The following NBEA variants were observed in gnomAD, a reference collection of about 807,000 sequenced individuals.
NBEA encodes lysosomal-trafficking regulator 2.
NBEA carries 44 observed loss-of-function variants against 343.4 expected under a neutral mutation model. The ratio of observed to expected loss-of-function variants is 0.13; its 90% CI spans 0.10 to 0.16. The LOEUF is 0.16. Ranked by LOEUF, NBEA falls within the 10% of genes least tolerant of loss-of-function variation. The probability of loss-of-function intolerance (pLI) is 1.00; values close to 1 mark genes in which losing one functional copy is unlikely to be tolerated. For synonymous variants in NBEA, 1,175 were observed against 1,238.7 expected (o/e 0.95, Z 1.08); for missense variants, 2,555 against 3,631.3 (o/e 0.70, Z 7.62).
chr13:35,668,056 A>G (rs962872485), intron 57 of NBEA, among the ~76,000 whole-genome samples: 1 of 152,214 alleles, frequency 6.6e-6, no homozygotes, highest in Non-Finnish European at 1.5e-5. Context: ...TCAAGATTTA[A>G]CTAAACATGT....
At chr13:34,978,458 A>G (rs950184925) in intron 1 of NBEA, among the ~76,000 whole-genome samples, 2 of 152,180 alleles carry the variant, frequency 1.3e-5, no homozygotes, top group Non-Finnish European at 2.9e-5. Context: ...ATATTTTTTA[A>G]CTGAAATTCA....
intron 1 of NBEA, among the ~76,000 whole-genome samples, chr13:34,971,955 TG>T (rs2060010485): frequency 6.6e-6 from 1 of 152,104 alleles, no homozygotes; most frequent in Admixed American, 6.6e-5. Context: ...AGAATTCAGC[TG>T]TGAATCTGTC....
At chr13:35,615,826 A>T (rs1037053688) in intron 48 of NBEA, among the ~76,000 whole-genome samples, 4 of 152,130 alleles carry the variant, frequency 2.6e-5, no homozygotes, top group East Asian at 3.9e-4. Context: ...ATGGGAAGAG[A>T]TGAGAATTCA....
At chr13:35,427,838 C>A (rs1004550936) in intron 38 of NBEA, among the ~76,000 whole-genome samples, 1 of 152,038 alleles carries the variant, frequency 6.6e-6, no homozygotes, top group Admixed American at 6.5e-5. Context: ...CAATGGCGGG[C>A]GCCCCTTCCC....
rs2066172936 is a variant in NBEA at position 35,110,982 on chromosome 13, T to C, written c.2002+4T>C. ...GGCATTACACCTAAAGGATTAGGTA[T>C]GTATACCACTTCCACTGTATTTACA... On this transcript the variant is annotated splice_donor_region_variant and intron_variant, in intron 13 of 58. Coordinates refer to ENST00000379939, the MANE Select transcript of NBEA (RefSeq NM_001385012.1). 1 of 1,593,562 alleles carries C rather than the reference T, an allele frequency of 6.3e-7. No individual in the cohort carries two copies. Among genetic ancestry groups the C allele is most frequent in the East Asian group, 2.2e-5 (1 of 44,500 alleles).
intron 21 of NBEA, among the ~76,000 whole-genome samples, chr13:35,157,747 T>A (rs185871427): frequency 1.3e-5 from 2 of 152,248 alleles, no homozygotes; most frequent in South Asian, 4.1e-4. Context: ...ATTTTAAGTA[T>A]TATTTGATCT....
At chr13:35,459,693 T>C (rs1169759073) in intron 40 of NBEA, among the ~76,000 whole-genome samples, 2 of 152,170 alleles carry the variant, frequency 1.3e-5, no homozygotes, top group Non-Finnish European at 2.9e-5. Context: ...ATATATAAAT[T>C]GAATGTTTTC....
At chr13:35,221,724 A>G (rs1052481332) in intron 33 of NBEA, among the ~76,000 whole-genome samples, 1 of 152,188 alleles carries the variant, frequency 6.6e-6, no homozygotes, top group African/African-American at 2.4e-5. Context: ...TTTAAAGTGT[A>G]GTTCTATAGG....
intron 41 of NBEA, among the ~76,000 whole-genome samples, chr13:35,546,630 A>G (rs1466273149): frequency 6.6e-6 from 1 of 150,520 alleles, no homozygotes; most frequent in Non-Finnish European, 1.5e-5. Flanking sequence ...TCGGCTCACT[A>G]CAACCTCTGC....
chr13:35,159,886 G>A lies in NBEA; in HGVS notation c.3715G>A (p.Ala1239Thr). The change falls in exon 22 of 59, where the codon GCT becomes ACT. Residue 1239 changes from alanine to threonine, a missense_variant. Around this residue, in one of 21 missense-constraint regions of NBEA, gnomAD observed 367 missense variants for 377.5 expected, o/e 0.97. Transcript: ENST00000379939. ...TKGLEYAEMT[A>T]TTLETESSSS... ...GGGGCTGGAGTATGCTGAAATGACT[G>A]CTACAACTCTGGAAACTGAGTCTTC... 6.2e-7 allele frequency: 1 copy of A among 1,601,538 alleles called. No individual in the cohort carries two copies. The highest frequency in any genetic ancestry group is 1.1e-5 in the South Asian group (1 of 89,100).
chr13:35,313,979 TG>T, intron 36 of NBEA, among the ~76,000 whole-genome samples: 1 of 152,012 alleles, frequency 6.6e-6, no homozygotes, highest in East Asian at 1.9e-4. Flanking sequence ...TCAATTTTGA[TG>T]GAAAAACGCA....
intron 10 of NBEA, among the ~76,000 whole-genome samples, chr13:35,092,432 G>A (rs2065133812): frequency 6.6e-6 from 1 of 152,070 alleles, no homozygotes; most frequent in Non-Finnish European, 1.5e-5. Flanking sequence ...AAAAGACACA[G>A]TACAGGCTGG....
chr13:35,027,243 G>A (rs776308937), intron 1 of NBEA, among the ~76,000 whole-genome samples: 2 of 151,960 alleles, frequency 1.3e-5, no homozygotes, highest in African/African-American at 2.4e-5. Flanking sequence ...CTATGTTTCC[G>A]TTTCCCTAGG....
chr13:35,231,173 GGGTAAGAGGA>G (rs1724350705), intron 33 of NBEA, among the ~76,000 whole-genome samples: 1 of 152,044 alleles, frequency 6.6e-6, no homozygotes. Context: ...CTGTTGACAC[GGGTAAGAGGA>G]GACAGAGTTA....
intron 18 of NBEA, among the ~76,000 whole-genome samples, chr13:35,148,258 A>G (rs1347739397): frequency 6.6e-6 from 1 of 152,362 alleles, no homozygotes; most frequent in East Asian, 1.9e-4. Flanking sequence ...AAAGAGTTGC[A>G]TGCAAGGGGG....
At chr13:35,014,018 A>G (rs1483995095) in intron 1 of NBEA, among the ~76,000 whole-genome samples, 1 of 152,082 alleles carries the variant, frequency 6.6e-6, no homozygotes, top group Admixed American at 6.6e-5. Flanking sequence ...GTTTATTGTT[A>G]TTATTTGCTG....
At chr13:35,571,851 CT>C (rs1238869813) in intron 45 of NBEA, among the ~76,000 whole-genome samples, 1 of 151,906 alleles carries the variant, frequency 6.6e-6, no homozygotes, top group Non-Finnish European at 1.5e-5. Flanking sequence ...TTTATTAGAA[CT>C]TTAGGTGCAC....
chr13:35,623,714 A>G (rs1435940008), intron 48 of NBEA, among the ~76,000 whole-genome samples: 1 of 152,142 alleles, frequency 6.6e-6, no homozygotes, highest in Non-Finnish European at 1.5e-5. Context: ...ATGGATGAAT[A>G]CTGAGAAAAA....
intron 18 of NBEA, among the ~76,000 whole-genome samples, chr13:35,142,796 G>C (rs1287770388): frequency 1.3e-5 from 2 of 152,074 alleles, no homozygotes; most frequent in East Asian, 3.9e-4. Context: ...ATAAATTTCG[G>C]TAAGAATTAT....
Sources: allele counts gnomAD v4.1 joint callset (sites outside exome capture counted in the v4.1 genomes callset), GRCh38; gene constraint gnomAD v4.1.1; regional missense constraint gnomAD v4.1.1; transcripts MANE v1.5; gene names NCBI Gene and HGNC (gene_info 2026-07-23, HGNC 2026-07-21).